ZNF609: variants seen among roughly 807,000 people sequenced by gnomAD.
The protein encoded by ZNF609 is zinc finger protein 609.
Under a neutral mutation model 109.5 loss-of-function variants are expected in ZNF609, and 11 were observed. That is an observed-to-expected ratio of 0.10 (90% confidence interval 0.06 to 0.17). The LOEUF (loss-of-function observed/expected upper bound fraction) is 0.17, where lower values mean the gene tolerates loss of function less well. Ranked by LOEUF, ZNF609 falls within the 10% of genes least tolerant of loss-of-function variation. The pLI is 1.00. For missense variants in ZNF609, 1,559 were observed against 1,772.4 expected, an observed-to-expected ratio of 0.88 and a Z score of 2.16; for synonymous variants, 646 against 662.0, an observed-to-expected ratio of 0.98 and a Z score of 0.37.
At chr15:64,603,893 G>A (rs1007254332) in intron 2 of ZNF609, among the ~76,000 whole-genome samples, 1 of 151,354 alleles carries the variant, frequency 6.6e-6, no homozygotes, top group African/African-American at 2.4e-5. Flanking sequence ...CAGCTACTCG[G>A]GAGGCTGAGA....
rs116182820 is a variant in ZNF609, at chr15:64,581,467, A to G, written c.748-41360A>G. 8.5e-3 allele frequency among the ~76,000 whole-genome samples: 1,289 copies of G among 152,034 alleles called. 20 individuals are homozygous for G. The highest frequency in any genetic ancestry group is 0.03 in the African/African-American group (1,239 of 41,468). ...CAGCCACAAAGTTAAGCACTTCCCT[A>G]TATTTTTCACAAATACTCCTACCTC... On this transcript the variant is annotated intron_variant, in intron 2 of 9. Transcript: ENST00000326648.
At chr15:64,532,830 A>G (rs1012343253) in intron 2 of ZNF609, among the ~76,000 whole-genome samples, 10 of 152,168 alleles carry the variant, frequency 6.6e-5, no homozygotes, top group African/African-American at 2.4e-4. Context: ...TCTTTGAGCT[A>G]GGTGAAAAAG....
intron 2 of ZNF609, among the ~76,000 whole-genome samples, chr15:64,521,653 G>A (rs1438201433): frequency 1.3e-5 from 2 of 152,216 alleles, no homozygotes; most frequent in Non-Finnish European, 2.9e-5. Context: ...AATACCCTAA[G>A]CAGGGAACCT....
rs1377424964 is a variant in ZNF609, at chr15:64,683,240, A to G, written c.*1554A>G. The G allele has an allele frequency of 6.6e-6, 1 of 152,626 alleles. No homozygotes were observed. Among genetic ancestry groups the G allele is most frequent in the African/African-American group, 2.4e-5 (1 of 41,436 alleles). 9.5% of individuals were successfully genotyped at this position (152,626 alleles called of 1,614,324 possible). A position where few individuals can be genotyped will look rare whatever the true frequency, so the allele number is the denominator to read the frequency against. Reference sequence around the variant, plus strand: ...GATAAAGACTGACAGACACCAGTGTAGGCTGGAAAAGGGAGTGTGTGACCA... The same window carrying G: ...GATAAAGACTGACAGACACCAGTGTGGGCTGGAAAAGGGAGTGTGTGACCA... On this transcript the variant is annotated 3_prime_UTR_variant, in exon 10 of 10. Transcript: ENST00000326648.
chr15:64,578,567 C>T (rs751144434), intron 2 of ZNF609, among the ~76,000 whole-genome samples: 11 of 152,080 alleles, frequency 7.2e-5, no homozygotes, highest in South Asian at 2.1e-4. Flanking sequence ...GTGGCGTGCA[C>T]CTGTAGTCCC....
intron 2 of ZNF609, among the ~76,000 whole-genome samples, chr15:64,542,431 G>A (rs1894280375): frequency 6.6e-6 from 1 of 152,158 alleles, no homozygotes; most frequent in African/African-American, 2.4e-5. Context: ...AGATTTCTCT[G>A]TGTTATTTTC....
intron 3 of ZNF609, among the ~76,000 whole-genome samples, chr15:64,640,065 G>T (rs776669003): frequency 4.6e-5 from 7 of 152,028 alleles, no homozygotes; most frequent in Non-Finnish European, 1.0e-4. Context: ...GACTACAGGT[G>T]CCTGCCACCA....
chr15:64,616,511 T>C (rs1895799900), intron 2 of ZNF609, among the ~76,000 whole-genome samples: 1 of 138,074 alleles, frequency 7.2e-6, no homozygotes, highest in East Asian at 2.2e-4. Flanking sequence ...ATTAAACTGA[T>C]ATCTTTTTTT....
intron 2 of ZNF609, chr15:64,528,841 C>T: frequency 1.2e-6 from 1 of 848,820 alleles, no homozygotes; most frequent in East Asian, 2.5e-5. Context: ...CCATCTGGTG[C>T]TCATTGTAGC....
chr15:64,681,013 A>C, intron 8 of ZNF609, 151 bp downstream of exon 8: 1 of 845,686 alleles, frequency 1.2e-6, no homozygotes, highest in East Asian at 2.7e-5. Flanking sequence ...ATCTGTGCAC[A>C]GTCCTAACCT....
intron 4 of ZNF609, among the ~76,000 whole-genome samples, chr15:64,671,737 C>T (rs1469648967): frequency 6.6e-6 from 1 of 152,150 alleles, no homozygotes; most frequent in Non-Finnish European, 1.5e-5. Flanking sequence ...TAATGCAATT[C>T]CCATGCAGTC....
At chr15:64,467,850 A>G (rs1489953907) in intron 1 of ZNF609, among the ~76,000 whole-genome samples, 1 of 152,182 alleles carries the variant, frequency 6.6e-6, no homozygotes, top group East Asian at 1.9e-4. Context: ...TCAAAAAGAA[A>G]AAAGAAAATA....
chr15:64,650,543 A>G (rs556279388), intron 3 of ZNF609, among the ~76,000 whole-genome samples: 21 of 152,328 alleles, frequency 1.4e-4, no homozygotes, highest in Non-Finnish European at 2.8e-4. Context: ...AAGAGAGGAT[A>G]AAAGTTAGAT....
chr15:64,540,429 G>A (rs1325946832), intron 2 of ZNF609, among the ~76,000 whole-genome samples: 1 of 151,976 alleles, frequency 6.6e-6, no homozygotes, highest in Non-Finnish European at 1.5e-5. Flanking sequence ...GTTTGGTACG[G>A]AGTCTCACTC....
chr15:64,675,596 C>CAGCCAGGCAGGAGTGGAG lies in ZNF609; in HGVS notation c.2751_2768dup (p.Gly918_Ala923dup). 1 of 1,614,122 alleles carries CAGCCAGGCAGGAGTGGAG rather than the reference C, an allele frequency of 6.2e-7. No homozygotes were observed. The highest frequency in any genetic ancestry group is 8.5e-7 in the Non-Finnish European group (1 of 1,180,034). ...CCAGCCCTGGGGCTCTGAACCCCAG[C>CAGCCAGGCAGGAGTGGAG]AGCCAGGCAGGAGTGGAGAGCCAGG... is the stretch of plus-strand genomic sequence containing the variant. On this transcript the variant is annotated inframe_insertion, in exon 5 of 10. Transcript: ENST00000326648.
intron 3 of ZNF609, among the ~76,000 whole-genome samples, chr15:64,625,928 TATATATATAGAGAGAGAGAG>T (rs1281650706): frequency 4.3e-4 from 32 of 73,598 alleles, no homozygotes; most frequent in African/African-American, 1.7e-3. Flanking sequence ...TATATATATA[TATATATATAGAGAGAGAGAG>T]AGAGAGAGAG....
chr15:64,528,773 A>T, intron 2 of ZNF609: 1 of 865,634 alleles, frequency 1.2e-6, no homozygotes, highest in Non-Finnish European at 1.9e-6. Flanking sequence ...CTTGAGGACA[A>T]TGGCTGCCCC....
chr15:64,647,902 C>T (rs1284586604), intron 3 of ZNF609, among the ~76,000 whole-genome samples: 1 of 152,178 alleles, frequency 6.6e-6, no homozygotes, highest in Non-Finnish European at 1.5e-5. Context: ...ATTTTGCCTA[C>T]TTGGACATTT....
chr15:64,675,071 G>A lies in ZNF609; in HGVS notation c.2217G>A (p.Lys739=), dbSNP rs769024773. 2.5e-6 allele frequency: 4 copies of A among 1,614,194 alleles called. No homozygotes were observed. Among genetic ancestry groups the A allele is most frequent in the Non-Finnish European group, 3.4e-6 (4 of 1,180,044 alleles). Reference sequence around the variant, plus strand: ...ACAAAAAAAAGAAGGAATCTTCAAAGGAACTTGAAAGTCCTCTGACCCCTG... The same window carrying A: ...ACAAAAAAAAGAAGGAATCTTCAAAAGAACTTGAAAGTCCTCTGACCCCTG... The part of the protein sequence containing the change: ...KKDKKKKESS[K]ELESPLTPGK... Residue 739 remains lysine, a synonymous_variant, in exon 5 of 10, where the codon AAG becomes AAA. Coordinates refer to ENST00000326648, the MANE Select transcript of ZNF609 (RefSeq NM_015042.2).
Sources: gnomAD v4.1 joint callset for allele counts (sites outside exome capture counted in the v4.1 genomes callset) on GRCh38, gnomAD v4.1.1 for gene constraint, MANE v1.5 for transcripts, NCBI Gene and HGNC (gene_info 2026-07-23, HGNC 2026-07-21) for gene names.